IGSF10: variants seen among roughly 807,000 people sequenced by gnomAD.
IGSF10 encodes the protein calvaria mechanical force protein 608.
In IGSF10, 126 loss-of-function variants were observed where a neutral mutation model predicts 128.2. The observed-to-expected ratio is 0.98, with a 90% CI of 0.85 to 1.14. The LOEUF (loss-of-function observed/expected upper bound fraction) is 1.14. Among genes scored for constraint, IGSF10 ranks in the 50% most tolerant of loss-of-function variants. The pLI is 0.00. For synonymous variants in IGSF10, 1,185 were observed against 1,146.2 expected, an observed-to-expected ratio of 1.03 and a Z score of -0.68; for missense variants, 3,295 against 3,149.8, an observed-to-expected ratio of 1.05 and a Z score of -1.10.
At chr3:151,570,716 TG>T in the IGSF10 span, among the ~76,000 whole-genome samples, 1 of 152,260 alleles carries the variant, frequency 6.6e-6, no homozygotes, top group Non-Finnish European at 1.5e-5. Context: ...TTTCTTTTGC[TG>T]TGCAGAAGCT....
chr3:151,437,143 A>G lies in IGSF10; in HGVS notation c.7418T>C (p.Val2473Ala). 3 of 1,614,216 alleles carry G rather than the reference A, an allele frequency of 1.9e-6. No homozygotes were observed. Among genetic ancestry groups the G allele is most frequent in the Non-Finnish European group, 2.5e-6 (3 of 1,180,034 alleles). Residue 2473 changes from valine (V) to alanine (A), a missense_variant, in exon 8 of 8, where the codon GTA becomes GCA. By Grantham distance (64) the Val-to-Ala change is moderately conservative. Coordinates refer to ENST00000282466, the MANE Select transcript of IGSF10 (RefSeq NM_178822.5). ...CCCATTAATTTGAGGCCTGTCTACTACATAACCACTTGGCATAGTCCATTT... is the reference window on the plus strand; with the variant it reads ...CCCATTAATTTGAGGCCTGTCTACTGCATAACCACTTGGCATAGTCCATTT... ...NIKWTMPSGY[V>A]VDRPQINGKY...
upstream of IGSF10, among the ~76,000 whole-genome samples, chr3:151,465,661 C>A (rs1722255635): frequency 6.6e-6 from 1 of 152,134 alleles, no homozygotes; most frequent in South Asian, 2.1e-4. Flanking sequence ...TTTCTGATTT[C>A]TCCAGGAAGC....
At position 151,447,798 on chromosome 3, in the gene IGSF10, C is replaced by T. The variant is rs376975724; in HGVS notation, c.2183G>A (p.Arg728Gln). The T allele has an allele frequency of 4.7e-5, 76 of 1,614,032 alleles. No homozygotes were observed. Among genetic ancestry groups the T allele is most frequent in the Non-Finnish European group, 5.7e-5 (67 of 1,180,044 alleles). Residue 728 changes from arginine to glutamine, a missense_variant, in exon 6 of 8, where the codon CGA (arginine) becomes CAA (glutamine). Arg to Gln is a conservative substitution (Grantham distance 43, BLOSUM62 1). Transcript: ENST00000282466. ...RHNYRELTLQ[R>Q]RGDSTHRRFR... The stretch of plus-strand genomic sequence containing the variant: ...ACGTCGATGTGTTGAATCTCCACGT[C>T]GCTGGAGTGTTAATTCCCGATAGTT...
At chr3:151,478,767 G>T in the IGSF10 span, among the ~76,000 whole-genome samples, 5 of 152,084 alleles carry the variant, frequency 3.3e-5, no homozygotes, top group Admixed American at 2.6e-4. Context: ...CACACACAAG[G>T]CCCATCCTTA....
the IGSF10 span, among the ~76,000 whole-genome samples, chr3:151,595,860 G>C: frequency 2.0e-5 from 3 of 151,982 alleles, no homozygotes; most frequent in African/African-American, 7.2e-5. Context: ...GTAGTGGAAT[G>C]AATAAGTCTA....
chr3:151,593,653 C>A, the IGSF10 span, among the ~76,000 whole-genome samples: 1 of 151,398 alleles, frequency 6.6e-6, no homozygotes, highest in Non-Finnish European at 1.5e-5. Context: ...GTATTAGGGA[C>A]CATTTAGGAA....
chr3:151,485,733 T>G, the IGSF10 span, among the ~76,000 whole-genome samples: 4 of 152,070 alleles, frequency 2.6e-5, no homozygotes, highest in Non-Finnish European at 4.4e-5. Flanking sequence ...ATAAAATCCT[T>G]CACAGACAAG....
the IGSF10 span, among the ~76,000 whole-genome samples, chr3:151,509,777 T>G: frequency 6.6e-6 from 1 of 152,160 alleles, no homozygotes; most frequent in Non-Finnish European, 1.5e-5. Flanking sequence ...ACTCCCACCC[T>G]AATACTGCAC....
At chr3:151,583,005 C>T in the IGSF10 span, among the ~76,000 whole-genome samples, 1 of 152,010 alleles carries the variant, frequency 6.6e-6, no homozygotes, top group Admixed American at 6.6e-5. Flanking sequence ...TACCCGTGGT[C>T]TTGCATGTTA....
At chr3:151,522,138 G>A in the IGSF10 span, among the ~76,000 whole-genome samples, 1 of 151,862 alleles carries the variant, frequency 6.6e-6, no homozygotes, top group South Asian at 2.1e-4. Flanking sequence ...AACCTCCCAA[G>A]ACTGAACCAG....
At chr3:151,461,417 G>A, upstream of IGSF10, 1 of 984,816 alleles carries the variant, frequency 1.0e-6, no homozygotes, top group Non-Finnish European at 1.2e-6. Flanking sequence ...TAGCGTTAAT[G>A]ACCTGTGATA....
At chr3:151,472,216 G>A in the IGSF10 span, among the ~76,000 whole-genome samples, 2 of 152,182 alleles carry the variant, frequency 1.3e-5, no homozygotes, top group Non-Finnish European at 2.9e-5. Context: ...ACCTGATGGA[G>A]TATTTTAGCA....
Position 151,437,625 on chromosome 3 carries a change from G to T in IGSF10, c.6936C>A (p.Ile2312=). ...CTCCACCTTCATTTCGGGCCACACA[G>T]ATAAAGTCGGCTGAATCTGAAAGCC... ...NVRLSDSADF[I]CVARNEGGES... is the part of the protein sequence containing the mutation. Residue 2312 remains isoleucine, a synonymous_variant, in exon 8 of 8, where the codon ATC becomes ATA. Coordinates refer to ENST00000282466, the MANE Select transcript of IGSF10 (RefSeq NM_178822.5). The T allele has an allele frequency of 6.2e-7, 1 of 1,614,160 alleles. No homozygotes were observed. The highest frequency in any genetic ancestry group is 8.5e-7 in the Non-Finnish European group (1 of 1,180,030).
At chr3:151,566,274 A>C in the IGSF10 span, among the ~76,000 whole-genome samples, 2 of 152,076 alleles carry the variant, frequency 1.3e-5, no homozygotes, top group Admixed American at 1.3e-4. Flanking sequence ...AGATTAGGAA[A>C]GATTTGAGAT....
the IGSF10 span, among the ~76,000 whole-genome samples, chr3:151,618,091 T>C: frequency 6.6e-6 from 1 of 152,086 alleles, no homozygotes; most frequent in Non-Finnish European, 1.5e-5. Context: ...GGGAGTTAAT[T>C]AGGTTAACTA....
upstream of IGSF10, among the ~76,000 whole-genome samples, chr3:151,462,949 C>T (rs1722119524): frequency 6.6e-6 from 1 of 152,184 alleles, no homozygotes. Context: ...TCCCAAAGCT[C>T]CTTGGTGACC....
the IGSF10 span, among the ~76,000 whole-genome samples, chr3:151,599,224 G>A: frequency 1.3e-5 from 2 of 151,954 alleles, no homozygotes; most frequent in Non-Finnish European, 2.9e-5. Flanking sequence ...AAGTTGTTCA[G>A]AGTTGTTAGA....
At chr3:151,542,977 A>G in the IGSF10 span, among the ~76,000 whole-genome samples, 1 of 152,164 alleles carries the variant, frequency 6.6e-6, no homozygotes, top group East Asian at 1.9e-4. Flanking sequence ...ATCTTCACCA[A>G]TTCTAGACAT....
the IGSF10 span, among the ~76,000 whole-genome samples, chr3:151,585,240 T>C: frequency 6.6e-6 from 1 of 152,192 alleles, no homozygotes; most frequent in Non-Finnish European, 1.5e-5. Flanking sequence ...TATGTTGAAA[T>C]GATCATAATT....
Sources: gnomAD v4.1 joint callset for allele counts (sites outside exome capture counted in the v4.1 genomes callset) on GRCh38, gnomAD v4.1.1 for gene constraint, MANE v1.5 for transcripts, NCBI Gene and HGNC (gene_info 2026-07-23, HGNC 2026-07-21) for gene names.